AGBL1: variants seen among roughly 807,000 people sequenced by gnomAD.
AGBL1 encodes AGBL carboxypeptidase 1.
AGBL1 carries 130 observed loss-of-function variants against 118.9 expected under a neutral mutation model. That is an observed-to-expected ratio of 1.09 (90% CI 0.95 to 1.26). The LOEUF is 1.26. AGBL1 is among the 50% of genes most tolerant of loss of function. The pLI, the probability that AGBL1 is intolerant of heterozygous loss-of-function variation, is 0.00. For synonymous variants in AGBL1, 555 were observed against 478.9 expected (o/e 1.16, Z -2.08); for missense variants, 1,584 against 1,298.1 (o/e 1.22, Z -3.38).
intron 22 of AGBL1, among the ~76,000 whole-genome samples, chr15:86,792,881 T>A (rs1596485554): frequency 6.6e-6 from 1 of 152,134 alleles, no homozygotes; most frequent in Non-Finnish European, 1.5e-5. Flanking sequence ...TTCCCAGTAA[T>A]ATTATCAACA....
chr15:86,155,273 G>C (rs553668702), intron 4 of AGBL1, among the ~76,000 whole-genome samples: 2 of 151,986 alleles, frequency 1.3e-5, no homozygotes, highest in Non-Finnish European at 2.9e-5. Flanking sequence ...TTTGAGACCA[G>C]CTTGGTCTCT....
intron 21 of AGBL1, among the ~76,000 whole-genome samples, chr15:86,628,583 C>A (rs148312970): frequency 1.3e-5 from 2 of 151,956 alleles, no homozygotes; most frequent in Admixed American, 6.6e-5. Context: ...GATCAGGAGG[C>A]AAGGAGATCG....
intron 5 of AGBL1, among the ~76,000 whole-genome samples, chr15:86,224,311 A>G (rs374539777): frequency 4.6e-5 from 7 of 152,126 alleles, no homozygotes; most frequent in East Asian, 3.9e-4. Flanking sequence ...TTTCATTCTC[A>G]TATGTGTCCC....
intron 1 of AGBL1, among the ~76,000 whole-genome samples, chr15:86,089,573 G>C (rs1052053287): frequency 1.3e-5 from 2 of 152,128 alleles, no homozygotes; most frequent in South Asian, 2.1e-4. Context: ...GCTTTTCCTA[G>C]GGGATTTGGA....
intron 22 of AGBL1, among the ~76,000 whole-genome samples, chr15:86,763,322 T>A (rs533826096): frequency 5.9e-5 from 9 of 152,190 alleles, no homozygotes; most frequent in Admixed American, 5.9e-4. Flanking sequence ...TCTCAGGATG[T>A]ATCACTAAAG....
At chr15:86,992,334 T>G (rs2081342949) in intron 24 of AGBL1, among the ~76,000 whole-genome samples, 1 of 152,144 alleles carries the variant, frequency 6.6e-6, no homozygotes, top group Non-Finnish European at 1.5e-5. Context: ...CATTTCAACA[T>G]GAGGTTTGGA....
At chr15:86,664,060 G>A (rs1164502319) in intron 21 of AGBL1, among the ~76,000 whole-genome samples, 1 of 152,200 alleles carries the variant, frequency 6.6e-6, no homozygotes, top group African/African-American at 2.4e-5. Flanking sequence ...TGAAGGACAT[G>A]TTTGAAGTCT....
At chr15:86,358,200 A>C (rs1015049487) in intron 17 of AGBL1, among the ~76,000 whole-genome samples, 1 of 151,556 alleles carries the variant, frequency 6.6e-6, no homozygotes, top group Admixed American at 6.6e-5. Flanking sequence ...CCCAAGCTCT[A>C]CTCCCTGAAA....
chr15:86,552,769 A>G (rs2083681553), intron 20 of AGBL1, among the ~76,000 whole-genome samples: 1 of 152,184 alleles, frequency 6.6e-6, no homozygotes, highest in African/African-American at 2.4e-5. Context: ...GAAGGGAGGG[A>G]CAAGAGTGGA....
intron 11 of AGBL1, 27 bp downstream of exon 11, chr15:86,264,865 C>T: frequency 6.6e-7 from 1 of 1,526,052 alleles, no homozygotes; most frequent in Non-Finnish European, 8.8e-7. Flanking sequence ...CTTGGGAGCT[C>T]TTTTTTTCTG....
At chr15:86,746,140 C>T (rs950457674) in intron 22 of AGBL1, among the ~76,000 whole-genome samples, 19 of 152,028 alleles carry the variant, frequency 1.2e-4, no homozygotes, top group African/African-American at 4.3e-4. Context: ...CACACTGTAG[C>T]CCAAGAGAGT....
chr15:86,481,351 G>A (rs2082649467), intron 18 of AGBL1, among the ~76,000 whole-genome samples: 1 of 152,008 alleles, frequency 6.6e-6, no homozygotes, highest in African/African-American at 2.4e-5. Flanking sequence ...ATCACACAAA[G>A]GGCTGGGAAT....
At chr15:86,866,920 G>T (rs1323975104) in intron 22 of AGBL1, among the ~76,000 whole-genome samples, 1 of 152,232 alleles carries the variant, frequency 6.6e-6, no homozygotes, top group East Asian at 1.9e-4. Context: ...GAGAGTATCA[G>T]TAGAGCATTT....
chr15:86,625,364 C>CCTTTTTTTT (rs1429206623), intron 21 of AGBL1, among the ~76,000 whole-genome samples: 830 of 68,212 alleles, frequency 0.012, 256 homozygotes, highest in Middle Eastern at 0.041. Flanking sequence ...AAGAAATTAG[C>CCTTTTTTTT]GTTTTTTTTT....
At chr15:86,955,073 A>G (rs2080916581) in intron 23 of AGBL1, among the ~76,000 whole-genome samples, 1 of 152,110 alleles carries the variant, frequency 6.6e-6, no homozygotes, top group East Asian at 1.9e-4. Context: ...ACTTTGTTCT[A>G]TGGCTGTCGT....
intron 1 of AGBL1, among the ~76,000 whole-genome samples, chr15:86,136,756 T>C (rs1453072002): frequency 6.6e-6 from 1 of 152,112 alleles, no homozygotes; most frequent in Non-Finnish European, 1.5e-5. Context: ...AGGGCGTCAC[T>C]TTCATACTGT....
At chr15:86,187,033 GCAAA>G (rs961930295) in intron 5 of AGBL1, among the ~76,000 whole-genome samples, 17 of 152,120 alleles carry the variant, frequency 1.1e-4, no homozygotes, top group Admixed American at 3.9e-4. Flanking sequence ...TAACGTTATA[GCAAA>G]CAAAGTTAAA....
At chr15:86,609,867 A>G (rs986106803) in intron 21 of AGBL1, among the ~76,000 whole-genome samples, 13 of 152,188 alleles carry the variant, frequency 8.5e-5, no homozygotes, top group African/African-American at 3.1e-4. Context: ...AATGCCAACC[A>G]TATGCTGGGG....
chr15:86,787,587 G>C (rs1440000373), intron 22 of AGBL1, among the ~76,000 whole-genome samples: 3 of 152,114 alleles, frequency 2.0e-5, no homozygotes, highest in Non-Finnish European at 4.4e-5. Context: ...ATAAATGTCA[G>C]GATCTTCTTT....
Sources: allele counts gnomAD v4.1 joint callset (sites outside exome capture counted in the v4.1 genomes callset), GRCh38; gene constraint gnomAD v4.1.1; transcripts MANE v1.5; gene names NCBI Gene and HGNC (gene_info 2026-07-23, HGNC 2026-07-21).